Variants in GMFB observed in about 807,000 individuals in gnomAD.
GMFB encodes glia maturation factor beta, also known as GMF-beta.
A neutral mutation model predicts 25.6 loss-of-function variants in GMFB; 13 were observed. The ratio of observed to expected loss-of-function variants is 0.51; its 90% confidence interval spans 0.33 to 0.81. The LOEUF (loss-of-function observed/expected upper bound fraction) is 0.81. GMFB is among the 30% of genes least tolerant of loss of function. The pLI, the probability that GMFB is intolerant of heterozygous loss-of-function variation, is 0.02. For missense variants in GMFB, 146 were observed against 175.4 expected (o/e 0.83, Z 0.95); for synonymous variants, 57 against 56.9 (o/e 1.00, Z 0.00).
At chr14:54,488,833 G>A (rs2031825919) in intron 1 of GMFB, 92 bp downstream of exon 1, 10 of 1,092,416 alleles carry the variant, frequency 9.2e-6, no homozygotes, top group South Asian at 9.1e-5. Context: ...CCTCCTGGGC[G>A]CTGCCCGCCG....
intron 3 of GMFB, 118 bp downstream of exon 3, chr14:54,482,035 G>A (rs963566738): frequency 1.6e-5 from 11 of 670,294 alleles, no homozygotes; most frequent in African/African-American, 1.1e-4. Context: ...TATGCATAAT[G>A]AGCATGTATT....
intron 1 of GMFB, among the ~76,000 whole-genome samples, chr14:54,484,483 A>G (rs1200100987): frequency 6.6e-6 from 1 of 152,092 alleles, no homozygotes; most frequent in Non-Finnish European, 1.5e-5. Context: ...ATCTACCAAG[A>G]CTCAACCATG....
At position 54,485,533 on chromosome 14, in the gene GMFB, G is replaced by C. The variant is rs141300040; in HGVS notation, c.4-1766C>G. ...GAAATTGAAGAGAACATACAAAAAT[G>C]GAAAGATTCCAAGCTCATGGATTAC... On this transcript the variant is annotated intron_variant, in intron 1 of 6. Transcript: ENST00000358056. 2.0e-5 allele frequency among the ~76,000 whole-genome samples: 3 copies of C among 152,098 alleles called. No homozygotes were observed. The East Asian group carries it at 5.8e-4, about 29-fold the overall frequency.
intron 1 of GMFB, among the ~76,000 whole-genome samples, chr14:54,487,335 T>C (rs1448937881): frequency 7.9e-5 from 12 of 151,670 alleles, no homozygotes; most frequent in African/African-American, 2.9e-4. Flanking sequence ...ATCGAGACCA[T>C]CCTGGCTAAC....
At chr14:54,482,582 G>C (rs977487483) in intron 2 of GMFB, among the ~76,000 whole-genome samples, 2 of 152,182 alleles carry the variant, frequency 1.3e-5, no homozygotes, top group Non-Finnish European at 2.9e-5. Context: ...AAGGGAAAAA[G>C]TGCCTGATCG....
At position 54,477,906 on chromosome 14, in the gene GMFB, A is replaced by G; in HGVS notation, c.*182T>C. The G allele has an allele frequency of 2.3e-6, 1 of 442,864 alleles. No individual in the cohort carries two copies. The highest frequency in any genetic ancestry group is 4.1e-6 in the Non-Finnish European group (1 of 243,222). The allele number at this position is 442,864 out of a possible 1,614,324, so 27.4% of individuals were successfully genotyped here. On this transcript the variant is annotated 3_prime_UTR_variant, in exon 7 of 7. Coordinates refer to ENST00000358056, the MANE Select transcript of GMFB (RefSeq NM_004124.3). ...ACCAATATAAGGAAACACTTTACAA[A>G]GTTTCATTACTATGAAGATGATTTC...
chr14:54,487,880 A>G (rs781598589), intron 1 of GMFB, among the ~76,000 whole-genome samples: 4 of 152,214 alleles, frequency 2.6e-5, no homozygotes, highest in South Asian at 2.1e-4. Flanking sequence ...GACTCCTTCG[A>G]GCATTGTCCA....
In GMFB at chr14:54,488,965, G is replaced by A; in HGVS notation, c.-38C>T. On this transcript the variant is annotated 5_prime_UTR_variant, in exon 1 of 7. Transcript: ENST00000358056. ...CGTCAGCGGCCTGTCGCCTACACTC[G>A]GGCGCCTTTAAGAATGGCACGGCGG... The A allele has an allele frequency of 6.5e-7, 1 of 1,543,068 alleles. No homozygotes were observed. The highest frequency in any genetic ancestry group is 8.7e-7 in the Non-Finnish European group (1 of 1,145,872).
intron 3 of GMFB, 56 bp downstream of exon 3, chr14:54,482,097 T>A: frequency 8.9e-7 from 1 of 1,125,158 alleles, no homozygotes; most frequent in Non-Finnish European, 1.3e-6. Context: ...ATATAGCATC[T>A]TTTGAGAAAT....
chr14:54,488,917 C>A lies in GMFB; in HGVS notation c.3+8G>T. On this transcript the variant is annotated splice_region_variant and intron_variant, in intron 1 of 6. Transcript: ENST00000358056. ...CCTCCGGCCCCCGCCCTCCCAGCGGCAACTCACCATTTTCCTTCCGGCCGT... is the reference window on the plus strand; with the variant it reads ...CCTCCGGCCCCCGCCCTCCCAGCGGAAACTCACCATTTTCCTTCCGGCCGT... 1 of 1,562,404 alleles carries A rather than the reference C, an allele frequency of 6.4e-7. No homozygotes were observed. Among genetic ancestry groups the A allele is most frequent in the Non-Finnish European group, 8.6e-7 (1 of 1,157,752 alleles).
rs1048025957 is a variant in GMFB, at chr14:54,480,701, A to G, written c.283+173T>C. 60 of 478,426 alleles carry G rather than the reference A, an allele frequency of 1.3e-4. No homozygotes were observed. The East Asian group carries it at 1.5e-3, about 12-fold the overall frequency. 29.6% of individuals were successfully genotyped at this position (478,426 alleles called of 1,614,324 possible). A position where few individuals can be genotyped will look rare whatever the true frequency, so the allele number is the denominator to read the frequency against. On this transcript the variant is annotated intron_variant, in intron 5 of 6. Coordinates refer to ENST00000358056, the MANE Select transcript of GMFB (RefSeq NM_004124.3). ...AATAAGTTCTAAGAGATGATGCTTCATTCTTTCTAGGGATGCATGCACACA... is the reference window on the plus strand; with the variant it reads ...AATAAGTTCTAAGAGATGATGCTTCGTTCTTTCTAGGGATGCATGCACACA...
Position 54,474,978 on chromosome 14 carries a change from T to A in GMFB, c.*3110A>T, listed in dbSNP as rs2031617125. The stretch of plus-strand genomic sequence containing the variant: ...TTTGTCCAGAAATGTTTGAAACACA[T>A]CCTCACAAAAGTTGTAATGGCTCAA... On this transcript the variant is annotated 3_prime_UTR_variant, in exon 7 of 7. Transcript: ENST00000358056. The A allele has an allele frequency of 6.6e-6, 1 of 152,578 alleles. No individual in the cohort carries two copies. Among genetic ancestry groups the A allele is most frequent in the Non-Finnish European group, 1.5e-5 (1 of 68,000 alleles). The allele number at this position is 152,578 out of a possible 1,614,324, so 9.5% of individuals were successfully genotyped here.
chr14:54,479,226 AT>A (rs1307738389), intron 6 of GMFB: 1 of 152,144 alleles, frequency 6.6e-6, no homozygotes, highest in Non-Finnish European at 1.5e-5. Context: ...TCAAACTAAT[AT>A]GTGGAAGTTA....
At chr14:54,488,829 G>A (rs2031825739) in intron 1 of GMFB, 96 bp downstream of exon 1, 1 of 1,044,898 alleles carries the variant, frequency 9.6e-7, no homozygotes, top group Admixed American at 2.6e-5. Flanking sequence ...GAGCCCTCCT[G>A]GGCGCTGCCC....
chr14:54,484,497 A>G (rs1370433333), intron 1 of GMFB, among the ~76,000 whole-genome samples: 6 of 152,122 alleles, frequency 3.9e-5, no homozygotes, highest in African/African-American at 1.4e-4. Flanking sequence ...AACCATGAAG[A>G]AATAGAAAAC....
chr14:54,483,668 T>C lies in GMFB; in HGVS notation c.100+3A>G. 6.7e-7 allele frequency: 1 copy of C among 1,490,040 alleles called. No individual in the cohort carries two copies. The highest frequency in any genetic ancestry group is 1.1e-5 in the South Asian group (1 of 87,246). The allele number at this position is 1,490,040 out of a possible 1,614,324, so 92.3% of individuals were successfully genotyped here. A position where few individuals can be genotyped will look rare whatever the true frequency, so the allele number is the denominator to read the frequency against. On this transcript the variant is annotated splice_donor_region_variant and intron_variant, in intron 2 of 6. Transcript: ENST00000358056. ...AACTTTGAGGCAATCACTTTTAGCT[T>C]ACTTATAATAGCAGCGTTGTTCGTT...
intron 6 of GMFB, chr14:54,479,558 A>G (rs1449591177): frequency 2.3e-6 from 1 of 440,544 alleles, no homozygotes; most frequent in Non-Finnish European, 4.1e-6. Context: ...AACACTGCCT[A>G]TATTTTGAAT....
chr14:54,488,004 AAG>A, intron 1 of GMFB, among the ~76,000 whole-genome samples: 1 of 152,200 alleles, frequency 6.6e-6, no homozygotes, highest in East Asian at 1.9e-4. Flanking sequence ...CTTCAAAAAC[AAG>A]AGAGTATAAC....
chr14:54,481,019 G>A, intron 4 of GMFB, 63 bp from the exon 5 acceptor site: 1 of 749,334 alleles, frequency 1.3e-6, no homozygotes, highest in South Asian at 1.7e-5. Flanking sequence ...CAACACCTGG[G>A]GAGCTACTGA....
Sources: gnomAD v4.1 joint callset for allele counts (sites outside exome capture counted in the v4.1 genomes callset) on GRCh38, gnomAD v4.1.1 for gene constraint, MANE v1.5 for transcripts, NCBI Gene and HGNC (gene_info 2026-07-23, HGNC 2026-07-21) for gene names.